DNM2: variants seen among roughly 807,000 people sequenced by gnomAD.
DNM2 encodes dynamin 2.
A neutral mutation model predicts 99.0 loss-of-function variants in DNM2; 15 were observed. That is an observed-to-expected ratio of 0.15 (90% CI 0.10 to 0.23). The LOEUF (loss-of-function observed/expected upper bound fraction) is 0.23. Ranked by LOEUF, DNM2 falls within the 10% of genes least tolerant of loss-of-function variation. The probability of loss-of-function intolerance (pLI) is 1.00; values close to 1 mark genes in which losing one functional copy is unlikely to be tolerated. For missense variants in DNM2, 742 were observed against 1,189.4 expected, an observed-to-expected ratio of 0.62 and a Z score of 5.53; for synonymous variants, 525 against 481.2, an observed-to-expected ratio of 1.09 and a Z score of -1.19.
chr19:10,813,980 G>A (rs576612614), intron 15 of DNM2, among the ~76,000 whole-genome samples: 11 of 151,990 alleles, frequency 7.2e-5, no homozygotes, highest in African/African-American at 2.4e-4. Context: ...CTGGCCAAAC[G>A]GTGAAGCCCC....
At chr19:10,803,447 C>T (rs550662700) in intron 12 of DNM2, among the ~76,000 whole-genome samples, 8 of 152,308 alleles carry the variant, frequency 5.3e-5, no homozygotes, top group Admixed American at 3.3e-4. Context: ...TGGCAGCCCC[C>T]GGCCCTGTGC....
chr19:10,782,269 A>C lies in DNM2; in HGVS notation c.689-691A>C, dbSNP rs1485058522. 3.3e-5 allele frequency among the ~76,000 whole-genome samples: 5 copies of C among 152,138 alleles called. No individual in the cohort carries two copies. In the East Asian group the frequency reaches 9.6e-4, roughly 29 times the overall value. ...GGCTGGTCTGGAACTCTTGGGCTCA[A>C]GCGTTCCACCCGCCTCGGCCTCCCA... On this transcript the variant is annotated intron_variant, in intron 5 of 20. Coordinates refer to ENST00000389253, the MANE Select transcript of DNM2 (RefSeq NM_001005361.3).
intron 15 of DNM2, among the ~76,000 whole-genome samples, chr19:10,815,703 C>T (rs1173581247): frequency 2.0e-5 from 3 of 152,202 alleles, no homozygotes; most frequent in Non-Finnish European, 4.4e-5. Context: ...CAACTCAGTC[C>T]AGGCAACCTC....
intron 2 of DNM2, among the ~76,000 whole-genome samples, chr19:10,766,615 G>A (rs1164937536): frequency 6.6e-6 from 1 of 151,924 alleles, no homozygotes; most frequent in African/African-American, 2.4e-5. Context: ...TATACGAGAT[G>A]CTAGGGGGAA....
rs1261549679 is a variant in DNM2 at position 10,792,086 on chromosome 19, T to TCAAAAAA, written c.993-1619_993-1613dup. On this transcript the variant is annotated intron_variant, in intron 7 of 20. Transcript: ENST00000389253. Reference sequence around the variant, plus strand: ...TTGGGCGACAGAGTGAGACTCCAGCTCAAAAAACAAAAAACAAAAAAAACA... The same window carrying TCAAAAAA: ...TTGGGCGACAGAGTGAGACTCCAGCTCAAAAAACAAAAAACAAAAAACAAAAAAAACA... Among the ~76,000 whole-genome samples the TCAAAAAA allele has an allele frequency of 2.0e-5, 3 of 151,922 alleles. No homozygotes were observed. The South Asian group carries it at 6.2e-4, about 32-fold the overall frequency.
At chr19:10,823,700 A>G in intron 16 of DNM2, 88 bp from the exon 17 acceptor site, 2 of 1,362,792 alleles carry the variant, frequency 1.5e-6, no homozygotes, top group Non-Finnish European at 2.1e-6. Context: ...GATCAGTCAG[A>G]AAGACCCCTA....
rs1372015065 is a variant in DNM2 at position 10,773,753 on chromosome 19, C to T, written c.385+1125C>T. Among the ~76,000 whole-genome samples the T allele has an allele frequency of 2.6e-5, 4 of 152,178 alleles. No homozygotes were observed. In the East Asian group the frequency reaches 7.7e-4, roughly 29 times the overall value. On this transcript the variant is annotated intron_variant, in intron 3 of 20. Coordinates refer to ENST00000389253, the MANE Select transcript of DNM2 (RefSeq NM_001005361.3). The stretch of plus-strand genomic sequence containing the variant: ...AAAGTGCTAGGATTACAGGCGTGAG[C>T]CACCACGCCCAGCCCATTCAGCTAC...
intron 1 of DNM2, among the ~76,000 whole-genome samples, chr19:10,721,428 A>G (rs941328874): frequency 6.6e-6 from 1 of 152,218 alleles, no homozygotes; most frequent in Non-Finnish European, 1.5e-5. Context: ...AAATGCTGGC[A>G]TTAAAGGTGT....
chr19:10,821,859 A>G (rs1002652752), intron 16 of DNM2, among the ~76,000 whole-genome samples: 13 of 152,068 alleles, frequency 8.5e-5, no homozygotes, highest in Admixed American at 8.5e-4. Flanking sequence ...TTCTTTGTCC[A>G]AAATGGCTGC....
At chr19:10,748,931 G>T (rs1002184678) in intron 1 of DNM2, among the ~76,000 whole-genome samples, 1 of 152,212 alleles carries the variant, frequency 6.6e-6, no homozygotes, top group Non-Finnish European at 1.5e-5. Flanking sequence ...CTGGAGTGTG[G>T]GCTCCTGCCG....
chr19:10,798,382 T>G, intron 10 of DNM2, 104 bp from the exon 11 acceptor site: 5 of 796,258 alleles, frequency 6.3e-6, no homozygotes, highest in East Asian at 2.7e-5. Context: ...GGCCCCCTCA[T>G]ATCTCATTCC....
intron 1 of DNM2, among the ~76,000 whole-genome samples, chr19:10,728,199 G>A (rs2069175208): frequency 6.6e-6 from 1 of 152,220 alleles, no homozygotes; most frequent in African/African-American, 2.4e-5. Context: ...AAGAGCCAGT[G>A]TTTATGGAGA....
rs183400439 is a variant in DNM2, at chr19:10,785,186, C to T, written c.850-1378C>T. The stretch of plus-strand genomic sequence containing the variant: ...AGGCTGGAGTACAGTGGCACAATCT[C>T]GGCTCACTGTAAGCTCCGTCTCCCG... On this transcript the variant is annotated intron_variant, in intron 6 of 20. Coordinates refer to ENST00000389253, the MANE Select transcript of DNM2 (RefSeq NM_001005361.3). 4.3e-3 allele frequency among the ~76,000 whole-genome samples: 656 copies of T among 152,182 alleles called. 6 individuals carry two copies. Among genetic ancestry groups the T allele is most frequent in the African/African-American group, 0.015 (628 of 41,528 alleles).
At chr19:10,725,653 A>C (rs11669253) in intron 1 of DNM2, among the ~76,000 whole-genome samples, 12,718 of 152,044 alleles carry the variant, frequency 0.084, 563 homozygotes, top group Middle Eastern at 0.11. Flanking sequence ...GTCTCTGCCT[A>C]CTGGGAGTGG....
chr19:10,814,512 G>A (rs1465807702), intron 15 of DNM2, among the ~76,000 whole-genome samples: 1 of 152,092 alleles, frequency 6.6e-6, no homozygotes, highest in Non-Finnish European at 1.5e-5. Context: ...AGTCTTAACT[G>A]CAGTCACCCT....
Position 10,812,151 on chromosome 19 carries a change from G to A in DNM2, c.1558-113G>A. The A allele has an allele frequency of 1.2e-6, 1 of 837,556 alleles. No homozygotes were observed. Among genetic ancestry groups the A allele is most frequent in the Non-Finnish European group, 1.9e-6 (1 of 524,166 alleles). 51.9% of individuals were successfully genotyped at this position (837,556 alleles called of 1,614,324 possible). ...GGTTTCCTGGGCTTTGGGGCTGGAG[G>A]TGTCTCTATTGCGGTCCCTGGCTTC... On this transcript the variant is annotated intron_variant, in intron 14 of 20. Transcript: ENST00000389253. This position sits in a 1 kb window ranked among gnomAD's most constrained non-coding sequence, Gnocchi z 4.0.
rs780219649 is a variant in DNM2 at position 10,825,177 on chromosome 19, C to T, written c.2014C>T (p.Arg672Cys). ...SYVAIINKSIRDLMPKTIMHL... is the reference protein window; with the variant it reads ...SYVAIINKSICDLMPKTIMHL... ...CGTGGCCATCATCAACAAGTCCATC[C>T]GCGACCTCATGCCAAAGACCATCAT... The change falls in exon 18 of 21, where the codon CGC becomes TGC. Residue 672 changes from arginine (R) to cysteine (C), a missense_variant. This residue lies in a region of DNM2 where 240 missense variants were observed against 431.3 expected (regional missense o/e 0.56). Transcript: ENST00000389253. 10 of 1,614,038 alleles carry T rather than the reference C, an allele frequency of 6.2e-6. No individual in the cohort carries two copies. Among genetic ancestry groups the T allele is most frequent in the East Asian group, 4.5e-5 (2 of 44,886 alleles).
Position 10,795,277 on chromosome 19 carries a change from T to C in DNM2, c.1129-95T>C. The C allele has an allele frequency of 1.7e-6, 2 of 1,148,760 alleles. No homozygotes were observed. Among genetic ancestry groups the C allele is most frequent in the Non-Finnish European group, 2.6e-6 (2 of 758,660 alleles). 71.2% of individuals were successfully genotyped at this position (1,148,760 alleles called of 1,614,324 possible). ...AGTTAAATATTCTGCCTTGTGAATA[T>C]AGCCACACGTGGGAGAGAACGTTCC... On this transcript the variant is annotated intron_variant, in intron 8 of 20. Coordinates refer to ENST00000389253, the MANE Select transcript of DNM2 (RefSeq NM_001005361.3). The surrounding 1 kb of genome is among the most constrained non-coding windows in gnomAD (Gnocchi z 4.2).
At chr19:10,738,866 A>G (rs1277272712) in intron 1 of DNM2, among the ~76,000 whole-genome samples, 2 of 130,344 alleles carry the variant, frequency 1.5e-5, no homozygotes, top group South Asian at 5.1e-4. Context: ...GCAAAACTCC[A>G]TCGCAAAAAA....
Sources: allele counts gnomAD v4.1 joint callset (sites outside exome capture counted in the v4.1 genomes callset), GRCh38; gene constraint gnomAD v4.1.1; regional missense constraint gnomAD v4.1.1; non-coding constraint Gnocchi (gnomAD v3.1); transcripts MANE v1.5; gene names NCBI Gene and HGNC (gene_info 2026-07-23, HGNC 2026-07-21).